The following STARD10 variants were observed in gnomAD, a reference collection of about 807,000 sequenced individuals.
STARD10 encodes the protein StAR related lipid transfer domain containing 10.
In STARD10, 24 loss-of-function variants were observed where a neutral mutation model predicts 36.0. The observed-to-expected ratio is 0.67, with a 90% confidence interval of 0.48 to 0.94. The LOEUF (loss-of-function observed/expected upper bound fraction) is 0.94, where lower values mean the gene tolerates loss of function less well. STARD10 is among the 40% of genes least tolerant of loss of function. The probability of loss-of-function intolerance (pLI) is 0.00; values close to 1 mark genes in which losing one functional copy is unlikely to be tolerated. For synonymous variants in STARD10, 156 were observed against 161.9 expected (o/e 0.96, Z 0.28); for missense variants, 335 against 396.6 (o/e 0.84, Z 1.32).
rs1373660397 is a variant in STARD10, at chr11:72,793,010, A to T, written c.-249T>A. Reference sequence around the variant, plus strand: ...TCCTCCATCAGGCCAAGGTGGGGGTAGGAGAAGAATTGGGAACAGGGACTC... The same window carrying T: ...TCCTCCATCAGGCCAAGGTGGGGGTTGGAGAAGAATTGGGAACAGGGACTC... On this transcript the variant is annotated 5_prime_UTR_variant, in exon 1 of 7. Transcript: ENST00000334805. 5 of 152,622 alleles carry T rather than the reference A, an allele frequency of 3.3e-5. No individual in the cohort carries two copies. The highest frequency in any genetic ancestry group is 7.3e-5 in the Non-Finnish European group (5 of 68,364). The allele number at this position is 152,622 out of a possible 1,614,324, so 9.5% of individuals were successfully genotyped here. A position where few individuals can be genotyped will look rare whatever the true frequency, so the allele number is the denominator to read the frequency against.
intron 1 of STARD10, among the ~76,000 whole-genome samples, chr11:72,784,031 G>A (rs1416332386): frequency 8.5e-5 from 13 of 152,178 alleles, no homozygotes; most frequent in Admixed American, 6.5e-4. Flanking sequence ...AGGCTACCTC[G>A]CCAGCAGGTG....
chr11:72,755,813 A>G (rs1443970423), intron 5 of STARD10, 60 bp from the exon 6 acceptor site: 2 of 1,505,926 alleles, frequency 1.3e-6, no homozygotes. Context: ...GCCCCTGACA[A>G]AAGCCCCACC....
At chr11:72,755,290 G>T in intron 6 of STARD10, 148 bp from the exon 7 acceptor site, 1 of 746,820 alleles carries the variant, frequency 1.3e-6, no homozygotes, top group Non-Finnish European at 2.0e-6. Flanking sequence ...CTGGGCCCTA[G>T]GCTCCATTCT....
At chr11:72,760,339 G>C (rs1235506571) in intron 2 of STARD10, among the ~76,000 whole-genome samples, 2 of 151,982 alleles carry the variant, frequency 1.3e-5, no homozygotes, top group Non-Finnish European at 2.9e-5. Flanking sequence ...GGATTCTCCT[G>C]CCTCAGCCTC....
In STARD10 at chr11:72,781,041, A is replaced by G. The variant is rs764962642; in HGVS notation, c.141T>C (p.Tyr47=). ...CCCAGACAGACACCCCAGCCCTGCTATAGGTCAGGTTCCAGCCCACCTCAG... is the reference window on the plus strand; with the variant it reads ...CCCAGACAGACACCCCAGCCCTGCTGTAGGTCAGGTTCCAGCCCACCTCAG... ...CEAEVGWNLT[Y]SRAGVSVWVQ... is the part of the protein sequence containing the mutation. The change falls in exon 2 of 7, where the codon TAT becomes TAC. Residue 47 remains tyrosine (Y), a synonymous_variant. Coordinates refer to ENST00000334805, the MANE Select transcript of STARD10 (RefSeq NM_006645.3). The surrounding 1 kb of genome is among the most constrained non-coding windows in gnomAD (Gnocchi z 4.7). 1.9e-6 allele frequency: 3 copies of G among 1,614,130 alleles called. No homozygotes were observed. Among genetic ancestry groups the G allele is most frequent in the South Asian group, 1.1e-5 (1 of 91,084 alleles).
At chr11:72,766,050 A>C (rs1207220850) in intron 2 of STARD10, 1 of 152,122 alleles carries the variant, frequency 6.6e-6, no homozygotes, top group Non-Finnish European at 1.5e-5. Flanking sequence ...ATTCACAGTA[A>C]GTTACAGATC....
chr11:72,770,364 T>G (rs1389366045), intron 2 of STARD10, among the ~76,000 whole-genome samples: 6 of 152,138 alleles, frequency 3.9e-5, no homozygotes, highest in African/African-American at 1.4e-4. Context: ...ATTACAGGTG[T>G]GTGCCATCGC....
At chr11:72,757,977 A>T in intron 4 of STARD10, 93 bp from the exon 5 acceptor site, 1 of 1,053,552 alleles carries the variant, frequency 9.5e-7, no homozygotes, top group Non-Finnish European at 1.5e-6. Context: ...GCACACACAC[A>T]TACAGTTAAT....
chr11:72,779,680 G>A (rs918305587), intron 2 of STARD10, among the ~76,000 whole-genome samples: 1 of 152,140 alleles, frequency 6.6e-6, no homozygotes, highest in Non-Finnish European at 1.5e-5. Context: ...TGCTCCTCAG[G>A]CTCAGACACA....
intron 1 of STARD10, among the ~76,000 whole-genome samples, chr11:72,789,590 G>A (rs115157019): frequency 0.023 from 3,524 of 152,312 alleles, 115 homozygotes; most frequent in African/African-American, 0.081. Context: ...GGCACAGGGG[G>A]TCTGGCCATG....
intron 1 of STARD10, among the ~76,000 whole-genome samples, chr11:72,782,909 T>C (rs1348287293): frequency 6.6e-6 from 1 of 152,158 alleles, no homozygotes. Context: ...CCTGCCACGG[T>C]CATCCTGACC....
At chr11:72,785,766 G>A (rs1482965288) in intron 1 of STARD10, 3 of 152,574 alleles carry the variant, frequency 2.0e-5, no homozygotes, top group African/African-American at 7.3e-5. Flanking sequence ...CCTGGACAGT[G>A]AGGGGCCTGA....
intron 2 of STARD10, among the ~76,000 whole-genome samples, chr11:72,776,703 G>A (rs1203283369): frequency 2.0e-5 from 3 of 152,066 alleles, no homozygotes; most frequent in Non-Finnish European, 4.4e-5. Flanking sequence ...TGTCCCACAC[G>A]TGGCCCTGAC....
At position 72,754,838 on chromosome 11, in the gene STARD10, A is replaced by G. The variant is rs1858617409; in HGVS notation, c.*59T>C. 22 of 1,554,332 alleles carry G rather than the reference A, an allele frequency of 1.4e-5. No individual in the cohort carries two copies. Among genetic ancestry groups the G allele is most frequent in the Non-Finnish European group, 1.8e-5 (21 of 1,157,544 alleles). On this transcript the variant is annotated 3_prime_UTR_variant, in exon 7 of 7. Transcript: ENST00000334805. ...GGTGGGGGAGGGGAGAAAGTGCAGG[A>G]GCGGCCGCCGCCCCAGGGCTCGCCC... is the stretch of plus-strand genomic sequence containing the variant.
intron 2 of STARD10, among the ~76,000 whole-genome samples, chr11:72,761,199 A>G (rs972078385): frequency 2.0e-5 from 3 of 152,238 alleles, no homozygotes; most frequent in African/African-American, 7.2e-5. Flanking sequence ...GAATGCAACC[A>G]GACAGAGCCA....
rs577752265 is a variant in STARD10 at position 72,776,573 on chromosome 11, G to T, written c.207+4402C>A. ...AGGGAGTGGCGAGATCTCAGCCTTG[G>T]CGAGTCAAGGACCTAGGTCCTGATC... is the stretch of plus-strand genomic sequence containing the variant. On this transcript the variant is annotated intron_variant, in intron 2 of 6. Coordinates refer to ENST00000334805, the MANE Select transcript of STARD10 (RefSeq NM_006645.3). Among the ~76,000 whole-genome samples, 18 of 152,232 alleles carry T rather than the reference G, an allele frequency of 1.2e-4. No individual in the cohort carries two copies. The South Asian group carries it at 3.5e-3, about 30-fold the overall frequency.
chr11:72,758,447 T>C, intron 4 of STARD10, 83 bp downstream of exon 4: 2 of 1,106,224 alleles, frequency 1.8e-6, no homozygotes, highest in Non-Finnish European at 2.7e-6. Context: ...CCCGAAGTCA[T>C]ATTGAAGTCA....
chr11:72,783,100 A>G (rs977123075), intron 1 of STARD10, among the ~76,000 whole-genome samples: 1 of 152,196 alleles, frequency 6.6e-6, no homozygotes, highest in Non-Finnish European at 1.5e-5. Context: ...ATGTGCTAAG[A>G]AAAAAACGAG....
intron 2 of STARD10, among the ~76,000 whole-genome samples, chr11:72,764,284 G>A (rs547111569): frequency 6.6e-6 from 1 of 152,350 alleles, no homozygotes; most frequent in South Asian, 2.1e-4. Context: ...CCCAGAGCAG[G>A]GCTGTTGAGG....
Sources: gnomAD v4.1 joint callset for allele counts (sites outside exome capture counted in the v4.1 genomes callset) on GRCh38, gnomAD v4.1.1 for gene constraint, Gnocchi (gnomAD v3.1) non-coding constraint, MANE v1.5 for transcripts, NCBI Gene and HGNC (gene_info 2026-07-23, HGNC 2026-07-21) for gene names.